The following PRKN variants were observed in gnomAD, a reference collection of about 807,000 sequenced individuals.
PRKN encodes parkin RBR E3 ubiquitin protein ligase, also known as E3 ubiquitin-protein ligase parkin.
In PRKN, 56 loss-of-function variants were observed where a neutral mutation model predicts 59.5. That is an observed-to-expected ratio of 0.94 (90% confidence interval 0.76 to 1.18). The LOEUF (loss-of-function observed/expected upper bound fraction) is 1.18. Ranked by LOEUF, PRKN falls within the 50% of genes most tolerant of loss-of-function variation. The pLI, the probability that PRKN is intolerant of heterozygous loss-of-function variation, is 0.00. For synonymous variants in PRKN, 250 were observed against 222.1 expected (o/e 1.13, Z -1.12); for missense variants, 657 against 596.4 (o/e 1.10, Z -1.06).
chr6:162,157,205 C>T (rs1782550576), intron 4 of PRKN, among the ~76,000 whole-genome samples: 1 of 151,662 alleles, frequency 6.6e-6, no homozygotes, highest in Non-Finnish European at 1.5e-5. Context: ...CTGCCTCTTC[C>T]CCACCACACC....
chr6:161,957,419 TGTTTGTTTG>T (rs1336930880), intron 6 of PRKN, among the ~76,000 whole-genome samples: 89 of 136,742 alleles, frequency 6.5e-4, no homozygotes, highest in African/African-American at 1.5e-3. Flanking sequence ...GTTTTTTTTT[TGTTTGTTTG>T]TTTGTTTGTT....
At chr6:161,489,916 G>T (rs1285805661) in intron 9 of PRKN, among the ~76,000 whole-genome samples, 1 of 152,210 alleles carries the variant, frequency 6.6e-6, no homozygotes, top group Non-Finnish European at 1.5e-5. Flanking sequence ...ATTCATTTGA[G>T]TTCCGATGGC....
intron 3 of PRKN, among the ~76,000 whole-genome samples, chr6:162,254,265 T>C (rs1779554669): frequency 6.6e-6 from 1 of 152,026 alleles, no homozygotes; most frequent in South Asian, 2.1e-4. Context: ...GCCACCAGTC[T>C]GGCTAACATG....
rs777201884 is a variant in PRKN at position 161,395,244 on chromosome 6, G to T, written c.1084-8367C>A. ...AACATTGTATAATGTGCTGTACTCT[G>T]CTTGTTGGTTTTTCGTTTAATGCAT... On this transcript the variant is annotated intron_variant, in intron 9 of 11. Coordinates refer to ENST00000366898, the MANE Select transcript of PRKN (RefSeq NM_004562.3). The surrounding 1 kb of genome is among the most constrained non-coding windows in gnomAD (Gnocchi z 5.0). Among the ~76,000 whole-genome samples the T allele has an allele frequency of 4.6e-5, 7 of 152,080 alleles. No homozygotes were observed. Among genetic ancestry groups the T allele is most frequent in the Non-Finnish European group, 7.3e-5 (5 of 68,036 alleles).
At chr6:161,556,086 T>C (rs898247115) in intron 8 of PRKN, among the ~76,000 whole-genome samples, 4 of 152,252 alleles carry the variant, frequency 2.6e-5, no homozygotes, top group Non-Finnish European at 4.4e-5. Context: ...AATAACAATT[T>C]AGAAATTCTT....
chr6:161,893,883 C>T (rs555979291), intron 6 of PRKN, among the ~76,000 whole-genome samples: 2 of 152,240 alleles, frequency 1.3e-5, no homozygotes, highest in African/African-American at 4.8e-5. Flanking sequence ...GTGTTCTCCT[C>T]GACGGATCTG....
rs1391248005 is a variant in PRKN at position 161,503,669 on chromosome 6, C to T, written c.1083+45185G>A. On this transcript the variant is annotated intron_variant, in intron 9 of 11. Coordinates refer to ENST00000366898, the MANE Select transcript of PRKN (RefSeq NM_004562.3). This position sits in a 1 kb window ranked among gnomAD's most constrained non-coding sequence, Gnocchi z 5.1. Reference sequence around the variant, plus strand: ...GCCCCCAGAGCCCTGCTTCGAGAGCCTCTATGCTTCTATGAAGGTCACAAC... The same window carrying T: ...GCCCCCAGAGCCCTGCTTCGAGAGCTTCTATGCTTCTATGAAGGTCACAAC... Among the ~76,000 whole-genome samples the T allele has an allele frequency of 1.3e-5, 2 of 152,166 alleles. No individual in the cohort carries two copies. The highest frequency in any genetic ancestry group is 4.8e-5 in the African/African-American group (2 of 41,430).
At chr6:162,713,450 C>T (rs924542829) in intron 1 of PRKN, among the ~76,000 whole-genome samples, 8 of 146,428 alleles carry the variant, frequency 5.5e-5, no homozygotes, top group Admixed American at 3.5e-4. Context: ...GCCAAGATCG[C>T]GCCACCGCAC....
At chr6:161,374,905 A>C (rs1419437395) in intron 10 of PRKN, among the ~76,000 whole-genome samples, 4 of 152,124 alleles carry the variant, frequency 2.6e-5, no homozygotes, top group African/African-American at 9.7e-5. Context: ...CTTTTTTACC[A>C]ACTCTGCTGG....
At chr6:161,555,689 T>C (rs1015695384) in intron 8 of PRKN, among the ~76,000 whole-genome samples, 1 of 152,190 alleles carries the variant, frequency 6.6e-6, no homozygotes, top group Non-Finnish European at 1.5e-5. Flanking sequence ...GCATGAGACC[T>C]AAAGTGCTCC....
rs984415445 is a variant in PRKN at position 161,487,611 on chromosome 6, C to T, written c.1083+61243G>A. On this transcript the variant is annotated intron_variant, in intron 9 of 11. Transcript: ENST00000366898. This position sits in a 1 kb window ranked among gnomAD's most constrained non-coding sequence, Gnocchi z 5.3. ...TCTATTTTAGACTTGCAAACAACTA[C>T]AAGGAGAAATTAGTTGAATAATATT... 6.6e-6 allele frequency among the ~76,000 whole-genome samples: 1 copy of T among 152,132 alleles called. No homozygotes were observed. The highest frequency in any genetic ancestry group is 1.5e-5 in the Non-Finnish European group (1 of 68,038).
At position 161,592,344 on chromosome 6, in the gene PRKN, T is replaced by G. The variant is rs1306514737; in HGVS notation, c.872-22928A>C. On this transcript the variant is annotated intron_variant, in intron 7 of 11. Transcript: ENST00000366898. This position sits in a 1 kb window ranked among gnomAD's most constrained non-coding sequence, Gnocchi z 4.8. ...TGAGGAGCAAAATATAAGGAGACAA[T>G]GCATTAAGCCCATCTGTTAATTTTG... Among the ~76,000 whole-genome samples, 3 of 152,142 alleles carry G rather than the reference T, an allele frequency of 2.0e-5. No individual in the cohort carries two copies. The highest frequency in any genetic ancestry group is 7.2e-5 in the African/African-American group (3 of 41,426).
rs182473168 is a variant in PRKN, at chr6:161,731,215, C to G, written c.871+54557G>C. On this transcript the variant is annotated intron_variant, in intron 7 of 11. Transcript: ENST00000366898. ...TGAGTTTAAAAGATGGAGCTGTATG[C>G]AGGGTTACAGGAATAAGGCACAAAC... Among the ~76,000 whole-genome samples the G allele has an allele frequency of 2.7e-4, 41 of 152,338 alleles. 1 individual carries two copies. The highest frequency in any genetic ancestry group is 9.9e-4 in the African/African-American group (41 of 41,578).
At chr6:162,085,100 T>G (rs1779201151) in intron 4 of PRKN, among the ~76,000 whole-genome samples, 1 of 148,134 alleles carries the variant, frequency 6.8e-6, no homozygotes, top group African/African-American at 2.5e-5. Context: ...AGTGAGACAG[T>G]GGAAATAGGG....
chr6:161,831,521 C>T (rs1792498096), intron 6 of PRKN, among the ~76,000 whole-genome samples: 1 of 152,286 alleles, frequency 6.6e-6, no homozygotes, highest in East Asian at 1.9e-4. Flanking sequence ...TCCCGATTTT[C>T]ATAACATTAG....
At chr6:161,722,055 G>A (rs965960196) in intron 7 of PRKN, among the ~76,000 whole-genome samples, 3 of 152,092 alleles carry the variant, frequency 2.0e-5, no homozygotes, top group African/African-American at 7.2e-5. Context: ...CTGGGAAACT[G>A]GCCTCTAAAT....
chr6:162,101,735 A>G (rs922261797), intron 4 of PRKN, among the ~76,000 whole-genome samples: 5 of 152,028 alleles, frequency 3.3e-5, no homozygotes, highest in Non-Finnish European at 5.9e-5. Context: ...AGATACTATA[A>G]CTCTCTATAT....
intron 7 of PRKN, among the ~76,000 whole-genome samples, chr6:161,680,036 G>A (rs1785258949): frequency 6.6e-6 from 1 of 152,112 alleles, no homozygotes; most frequent in Admixed American, 6.5e-5. Flanking sequence ...TTACAGGCAT[G>A]AGCCACCGTG....
chr6:161,774,986 C>T (rs1445759483), intron 7 of PRKN, among the ~76,000 whole-genome samples: 3 of 152,096 alleles, frequency 2.0e-5, no homozygotes, highest in Non-Finnish European at 4.4e-5. Flanking sequence ...GGCTTCAATC[C>T]TGGTGCCACC....
Sources: gnomAD v4.1 joint callset for allele counts (sites outside exome capture counted in the v4.1 genomes callset) on GRCh38, gnomAD v4.1.1 for gene constraint, Gnocchi (gnomAD v3.1) non-coding constraint, MANE v1.5 for transcripts, NCBI Gene and HGNC (gene_info 2026-07-23, HGNC 2026-07-21) for gene names.